The following GPD1L variants were observed in gnomAD, a reference collection of about 807,000 sequenced individuals.
GPD1L encodes glycerol-3-phosphate dehydrogenase 1-like protein.
In GPD1L, 17 loss-of-function variants were observed where a neutral mutation model predicts 32.9. That is an observed-to-expected ratio of 0.52 (90% confidence interval 0.35 to 0.78). GPD1L has a LOEUF of 0.78. Ranked by LOEUF, GPD1L falls within the 30% of genes least tolerant of loss-of-function variation. The pLI is 0.01. For missense variants in GPD1L, 361 were observed against 447.8 expected, an observed-to-expected ratio of 0.81 and a Z score of 1.75; for synonymous variants, 187 against 165.9, an observed-to-expected ratio of 1.13 and a Z score of -0.98.
At chr3:32,128,988 A>G (rs1485798106) in intron 2 of GPD1L, among the ~76,000 whole-genome samples, 1 of 152,240 alleles carries the variant, frequency 6.6e-6, no homozygotes, top group African/African-American at 2.4e-5. Flanking sequence ...AGTCTGGGAG[A>G]GAAAAATACA....
chr3:32,151,313 G>T (rs1700916097), intron 5 of GPD1L: 2 of 644,070 alleles, frequency 3.1e-6, no homozygotes, highest in Non-Finnish European at 5.7e-6. Context: ...CAAGAATCTT[G>T]CCCTTAACTT....
chr3:32,121,782 T>TATATATATATATA (rs199832480), intron 1 of GPD1L, among the ~76,000 whole-genome samples: 1 of 120,290 alleles, frequency 8.3e-6, no homozygotes, highest in African/African-American at 3.0e-5. Context: ...TATATATATA[T>TATATATATATATA]TTTTTTTAGG....
intron 5 of GPD1L, chr3:32,158,348 TGA>T (rs1701022676): frequency 5.6e-6 from 1 of 177,732 alleles, no homozygotes; most frequent in Admixed American, 5.5e-5. Flanking sequence ...CTGTGAGAAG[TGA>T]GGAGAGTGGT....
intron 5 of GPD1L, among the ~76,000 whole-genome samples, chr3:32,157,728 G>T (rs767324611): frequency 3.5e-4 from 54 of 152,294 alleles, no homozygotes; most frequent in Middle Eastern, 3.4e-3. Context: ...GGACCATATG[G>T]TCTCTGTTGC....
chr3:32,141,491 A>G (rs1700743446), intron 4 of GPD1L, among the ~76,000 whole-genome samples: 3 of 152,226 alleles, frequency 2.0e-5, no homozygotes, highest in South Asian at 4.1e-4. Flanking sequence ...GTCTGTTAAC[A>G]TACTGTACAT....
intron 2 of GPD1L, among the ~76,000 whole-genome samples, chr3:32,130,258 C>T (rs1270874836): frequency 6.6e-6 from 1 of 151,822 alleles, no homozygotes; most frequent in African/African-American, 2.4e-5. Context: ...AATTCACTCC[C>T]AGAACCCTGT....
At chr3:32,126,879 G>A (rs1217036674) in intron 1 of GPD1L, among the ~76,000 whole-genome samples, 1 of 152,034 alleles carries the variant, frequency 6.6e-6, no homozygotes, top group Non-Finnish European at 1.5e-5. Context: ...TGGGACTCAG[G>A]ATTTTTAAAT....
At chr3:32,154,851 G>C (rs1281523290) in intron 5 of GPD1L, among the ~76,000 whole-genome samples, 1 of 151,748 alleles carries the variant, frequency 6.6e-6, no homozygotes, top group African/African-American at 2.4e-5. Flanking sequence ...CAGCTCAAGT[G>C]ATCCTTCCAC....
intron 1 of GPD1L, among the ~76,000 whole-genome samples, chr3:32,122,389 G>A (rs1700435671): frequency 6.6e-6 from 1 of 152,070 alleles, no homozygotes. Flanking sequence ...TCTGTAAAAT[G>A]GGGATAATGT....
chr3:32,109,172 G>A (rs926593103), intron 1 of GPD1L, among the ~76,000 whole-genome samples: 5 of 152,232 alleles, frequency 3.3e-5, no homozygotes, highest in Non-Finnish European at 7.3e-5. Flanking sequence ...TTAATGTCAA[G>A]CTCACTTGAG....
At chr3:32,107,354 C>T (rs1700179247) in intron 1 of GPD1L, among the ~76,000 whole-genome samples, 1 of 152,168 alleles carries the variant, frequency 6.6e-6, no homozygotes, top group African/African-American at 2.4e-5. Context: ...GAGAATTCTC[C>T]CTTGCCGAGA....
chr3:32,146,083 C>CTTTTTTTT (rs59106750), intron 4 of GPD1L, among the ~76,000 whole-genome samples: 23 of 126,154 alleles, frequency 1.8e-4, no homozygotes, highest in Non-Finnish European at 3.1e-4. Context: ...ATGCTTTTTT[C>CTTTTTTTT]TTTTTTTTTT....
chr3:32,159,137 C>T (rs1275887815), intron 6 of GPD1L, 28 bp downstream of exon 6: 1 of 1,537,936 alleles, frequency 6.5e-7, no homozygotes, highest in Admixed American at 1.7e-5. Flanking sequence ...CTCCCGCACC[C>T]CCTCCTTCCT....
At chr3:32,131,038 TAA>T (rs74310097) in intron 2 of GPD1L, among the ~76,000 whole-genome samples, 13 of 147,240 alleles carry the variant, frequency 8.8e-5, no homozygotes, top group African/African-American at 3.2e-4. Context: ...ATGCTCCGTT[TAA>T]AAAAAAAAAG....
rs374830844 is a variant in GPD1L, at chr3:32,129,073, C to T, written c.225+820C>T. On this transcript the variant is annotated intron_variant, in intron 2 of 7. Coordinates refer to ENST00000282541, the MANE Select transcript of GPD1L (RefSeq NM_015141.4). Reference sequence around the variant, plus strand: ...AGCTTGGGGAGTGAAAAGGGTGTACCCTGCTGCTTGTCTGAGTGGAATTTA... The same window carrying T: ...AGCTTGGGGAGTGAAAAGGGTGTACTCTGCTGCTTGTCTGAGTGGAATTTA... Among the ~76,000 whole-genome samples the T allele has an allele frequency of 1.3e-4, 20 of 152,224 alleles. No homozygotes were observed. In the South Asian group the frequency reaches 3.7e-3, roughly 28 times the overall value.
intron 4 of GPD1L, among the ~76,000 whole-genome samples, chr3:32,142,714 T>C (rs1184970814): frequency 6.6e-6 from 1 of 152,218 alleles, no homozygotes; most frequent in Non-Finnish European, 1.5e-5. Context: ...CCTGATCCAA[T>C]CCTGGCTAGG....
At chr3:32,112,545 G>A (rs928447757) in intron 1 of GPD1L, among the ~76,000 whole-genome samples, 8 of 152,292 alleles carry the variant, frequency 5.3e-5, no homozygotes, top group Non-Finnish European at 1.0e-4. Flanking sequence ...GCTAAGGCAG[G>A]AGAATCACTT....
At chr3:32,127,833 G>A (rs1271943454) in intron 1 of GPD1L, among the ~76,000 whole-genome samples, 1 of 152,252 alleles carries the variant, frequency 6.6e-6, no homozygotes, top group South Asian at 2.1e-4. Flanking sequence ...ATTCTTACTA[G>A]TTTCAAGGGG....
chr3:32,116,455 C>T (rs1457796044), intron 1 of GPD1L, among the ~76,000 whole-genome samples: 1 of 152,120 alleles, frequency 6.6e-6, no homozygotes, highest in Non-Finnish European at 1.5e-5. Flanking sequence ...ACAACCAGGA[C>T]CAGCAATGAT....
Sources: gnomAD v4.1 joint callset for allele counts (sites outside exome capture counted in the v4.1 genomes callset) on GRCh38, gnomAD v4.1.1 for gene constraint, MANE v1.5 for transcripts, NCBI Gene and HGNC (gene_info 2026-07-23, HGNC 2026-07-21) for gene names.